NAV1: variants seen among roughly 807,000 people sequenced by gnomAD.
NAV1 encodes pore membrane and/or filament interacting like protein 3.
Under a neutral mutation model 175.2 loss-of-function variants are expected in NAV1, and 18 were observed. The ratio of observed to expected loss-of-function variants is 0.10; its 90% CI spans 0.07 to 0.15. The LOEUF is 0.15. Among genes scored for constraint, NAV1 ranks in the 10% least tolerant of loss-of-function variants. The pLI is 1.00. For synonymous variants in NAV1, 897 were observed against 978.7 expected (o/e 0.92, Z 1.56); for missense variants, 1,731 against 2,436.6 (o/e 0.71, Z 6.10).
At chr1:201,612,352 G>T (rs1667872545) in intron 2 of NAV1, among the ~76,000 whole-genome samples, 1 of 152,204 alleles carries the variant, frequency 6.6e-6, no homozygotes, top group Non-Finnish European at 1.5e-5. Flanking sequence ...TACTCGGCAG[G>T]CTGAAGTGGG....
intron 2 of NAV1, among the ~76,000 whole-genome samples, chr1:201,589,921 C>A (rs1340454174): frequency 6.6e-6 from 1 of 152,142 alleles, no homozygotes; most frequent in Non-Finnish European, 1.5e-5. Context: ...GAGATGGATT[C>A]TCGCTTTGTC....
At chr1:201,562,356 C>T (rs1007513974) in intron 1 of NAV1, among the ~76,000 whole-genome samples, 6 of 152,116 alleles carry the variant, frequency 3.9e-5, no homozygotes, top group African/African-American at 1.4e-4. Context: ...TGCCCCCCGA[C>T]CTTGGGTCCT....
chr1:201,785,936 G>A (rs1309945906), intron 8 of NAV1, among the ~76,000 whole-genome samples: 1 of 151,952 alleles, frequency 6.6e-6, no homozygotes, highest in East Asian at 1.9e-4. Context: ...GGGGTTATAG[G>A]TGTGCACCAC....
At chr1:201,622,556 A>T (rs1571850210), upstream of NAV1, among the ~76,000 whole-genome samples, 1 of 152,318 alleles carries the variant, frequency 6.6e-6, no homozygotes, top group East Asian at 1.9e-4. Context: ...GAACAGGAAC[A>T]GAGTCAAAGA....
chr1:201,602,317 C>G (rs1172689212), intron 2 of NAV1, among the ~76,000 whole-genome samples: 1 of 152,148 alleles, frequency 6.6e-6, no homozygotes, highest in Non-Finnish European at 1.5e-5. Flanking sequence ...CAATTCGGTT[C>G]TTCTCTAAGT....
intron 1 of NAV1, among the ~76,000 whole-genome samples, chr1:201,583,506 T>C (rs749584589): frequency 2.0e-5 from 3 of 152,206 alleles, no homozygotes; most frequent in Non-Finnish European, 4.4e-5. Flanking sequence ...CTGCTGGAGA[T>C]AGGAATCTCT....
At chr1:201,677,742 C>T (rs891477989) in intron 1 of NAV1, among the ~76,000 whole-genome samples, 3 of 152,202 alleles carry the variant, frequency 2.0e-5, no homozygotes, top group African/African-American at 7.2e-5. Flanking sequence ...ACACTCCCAC[C>T]TCAGCTTCGT....
At chr1:201,651,288 C>T (rs1669197276) in intron 1 of NAV1, among the ~76,000 whole-genome samples, 1 of 152,044 alleles carries the variant, frequency 6.6e-6, no homozygotes, top group African/African-American at 2.4e-5. Context: ...TCTGGGTCCT[C>T]TCCAGACCTG....
chr1:201,773,376 T>C (rs1238614299), intron 3 of NAV1, among the ~76,000 whole-genome samples: 2 of 152,180 alleles, frequency 1.3e-5, no homozygotes, highest in Non-Finnish European at 2.9e-5. Flanking sequence ...TTTTATCATG[T>C]CAGTAACAGA....
At chr1:201,646,294 A>G (rs1480863882), upstream of NAV1, among the ~76,000 whole-genome samples, 2 of 152,200 alleles carry the variant, frequency 1.3e-5, no homozygotes, top group Non-Finnish European at 2.9e-5. Context: ...TCTGAAGCCA[A>G]TCTGCATTGT....
intron 1 of NAV1, among the ~76,000 whole-genome samples, chr1:201,677,244 C>T (rs1670284750): frequency 1.3e-5 from 1 of 78,704 alleles, no homozygotes; most frequent in Admixed American, 1.8e-4. Flanking sequence ...GATTGAGACT[C>T]CATCTCAAAA....
exon 30 of NAV1, chr1:201,822,158 T>TA (rs1679422622): frequency 6.5e-6 from 1 of 152,754 alleles, no homozygotes; most frequent in African/African-American, 2.4e-5. Context: ...TGAAGATCCC[T>TA]AACCAACTCA....
At chr1:201,649,457 C>T (rs1303564481) in intron 1 of NAV1, 32 bp downstream of exon 5, 3 of 1,471,854 alleles carry the variant, frequency 2.0e-6, no homozygotes, top group South Asian at 1.3e-5. Flanking sequence ...CGCCCCGCCC[C>T]TGGCTTTCTC....
At chr1:201,578,835 A>T (rs1378136305) in intron 1 of NAV1, among the ~76,000 whole-genome samples, 1 of 152,066 alleles carries the variant, frequency 6.6e-6, no homozygotes, top group African/African-American at 2.4e-5. Flanking sequence ...AACAACTATC[A>T]TCTAAAAGTT....
chr1:201,789,406 G>A (rs940814408), intron 10 of NAV1, among the ~76,000 whole-genome samples: 2 of 152,198 alleles, frequency 1.3e-5, no homozygotes, highest in African/African-American at 2.4e-5. Context: ...CCTCTCCTGC[G>A]GCTAAGGTGC....
intron 1 of NAV1, among the ~76,000 whole-genome samples, chr1:201,678,165 A>G (rs985677995): frequency 2.0e-5 from 3 of 152,220 alleles, no homozygotes; most frequent in Non-Finnish European, 4.4e-5. Flanking sequence ...TAGGACAAAT[A>G]TTAATATCCC....
At chr1:201,586,867 T>C (rs1667044389) in intron 1 of NAV1, among the ~76,000 whole-genome samples, 1 of 152,150 alleles carries the variant, frequency 6.6e-6, no homozygotes, top group Non-Finnish European at 1.5e-5. Flanking sequence ...GTGTGAGATA[T>C]ACATTTCAGT....
chr1:201,624,425 C>G lies in NAV1; in HGVS notation c.-101+819C>G, dbSNP rs368700482. ...GTGGTGCGATCTCGGCTCACTGCAA[C>G]CTCCGCCTCCCAGGTTCACGCCATT... On this transcript the variant is annotated intron_variant, in intron 1 of 29. Coordinates refer to the NAV1 transcript ENST00000367302. Among the ~76,000 whole-genome samples the G allele has an allele frequency of 9.6e-5, 14 of 146,352 alleles. No individual in the cohort carries two copies. The East Asian group carries it at 2.5e-3, about 26-fold the overall frequency.
intron 1 of NAV1, among the ~76,000 whole-genome samples, chr1:201,567,193 C>A (rs1666381009): frequency 6.6e-6 from 1 of 152,180 alleles, no homozygotes; most frequent in Admixed American, 6.5e-5. Context: ...TCCTGCCTGA[C>A]AAGATGGGAA....
Sources: gnomAD v4.1 joint callset for allele counts (sites outside exome capture counted in the v4.1 genomes callset) on GRCh38, gnomAD v4.1.1 for gene constraint, MANE v1.5 for transcripts, NCBI Gene and HGNC (gene_info 2026-07-23, HGNC 2026-07-21) for gene names.